The following PHTF2 variants were observed in gnomAD, a reference collection of about 807,000 sequenced individuals.
PHTF2 encodes putative homeodomain transcription factor 2, also known as protein PHTF2.
Under a neutral mutation model 101.2 loss-of-function variants are expected in PHTF2, and 60 were observed. The observed-to-expected ratio is 0.59, with a 90% confidence interval of 0.48 to 0.73. The LOEUF is 0.73. PHTF2 is among the 30% of genes least tolerant of loss of function. The pLI is 0.00. For missense variants in PHTF2, 747 were observed against 908.7 expected, an observed-to-expected ratio of 0.82 and a Z score of 2.29; for synonymous variants, 311 against 307.3, an observed-to-expected ratio of 1.01 and a Z score of -0.13.
intron 3 of PHTF2, among the ~76,000 whole-genome samples, chr7:77,876,523 G>A (rs1584562091): frequency 6.6e-6 from 1 of 152,096 alleles, no homozygotes; most frequent in East Asian, 1.9e-4. Context: ...TATAAAATAT[G>A]AGCAACACTT....
chr7:77,819,313 A>G (rs1022156560), intron 1 of PHTF2, among the ~76,000 whole-genome samples: 1 of 152,212 alleles, frequency 6.6e-6, no homozygotes, highest in South Asian at 2.1e-4. Context: ...GTCTTGTTCT[A>G]GTAGTCAGAG....
chr7:77,943,106 T>C (rs974113256), intron 16 of PHTF2, among the ~76,000 whole-genome samples: 12 of 118,466 alleles, frequency 1.0e-4, no homozygotes, highest in African/African-American at 2.8e-4. Context: ...TCATGTTTAC[T>C]ATTCTTTTCT....
Position 77,854,295 on chromosome 7 carries a change from A to G in PHTF2, c.46-438A>G, listed in dbSNP as rs182762953. On this transcript the variant is annotated intron_variant, in intron 2 of 19. Transcript: ENST00000416283. ...CTCTTCCTTTCCTTTAGTTTTCACC[A>G]AACAAATGGAGTCTCTCTGTCTGCT... Among the ~76,000 whole-genome samples the G allele has an allele frequency of 7.2e-5, 11 of 152,234 alleles. No individual in the cohort carries two copies. In the East Asian group the frequency reaches 2.1e-3, roughly 29 times the overall value.
chr7:77,859,003 G>A (rs1416924834), intron 3 of PHTF2, among the ~76,000 whole-genome samples: 1 of 152,136 alleles, frequency 6.6e-6, no homozygotes, highest in Non-Finnish European at 1.5e-5. Flanking sequence ...GAGAGACTGT[G>A]AGGGAAAAAC....
At chr7:77,822,486 C>G (rs574200186) in intron 1 of PHTF2, among the ~76,000 whole-genome samples, 21 of 152,298 alleles carry the variant, frequency 1.4e-4, no homozygotes, top group African/African-American at 4.8e-4. Context: ...TGCTCCTAAT[C>G]TGGGGCAGCG....
rs761392882 is a variant in PHTF2, at chr7:77,910,227, TAATCTC to T, written c.612-17_612-12del. 117 of 1,598,198 alleles carry T rather than the reference TAATCTC, an allele frequency of 7.3e-5. No individual in the cohort carries two copies. Among genetic ancestry groups the T allele is most frequent in the Non-Finnish European group, 1.3e-5 (15 of 1,174,174 alleles). On this transcript the variant is annotated splice_polypyrimidine_tract_variant and intron_variant, in intron 8 of 19. Transcript: ENST00000416283. ...AAATATTAAAGCTGCCTTCCATTCT[TAATCTC>T]TTCTGATGAAGGAAATTAAGAAAAG...
intron 9 of PHTF2, among the ~76,000 whole-genome samples, chr7:77,915,983 G>GTA (rs1007199834): frequency 3.2e-4 from 47 of 146,266 alleles, no homozygotes; most frequent in African/African-American, 1.2e-3. Flanking sequence ...GTGTGTCTGT[G>GTA]TGTGTGTGTG....
exon 13 of PHTF2, chr7:77,937,786 G>A: frequency 6.5e-7 from 1 of 1,545,416 alleles, no homozygotes. Flanking sequence ...GGTAATGATT[G>A]TAAGAAAGCA....
At chr7:77,907,854 G>A (rs1383871104) in intron 7 of PHTF2, 2 of 152,022 alleles carry the variant, frequency 1.3e-5, no homozygotes, top group Admixed American at 1.3e-4. Flanking sequence ...TTTATTTTAG[G>A]TACTCCTTGG....
chr7:77,937,682 T>A, intron 12 of PHTF2, 28 bp from the exon 12 acceptor site: 1 of 988,352 alleles, frequency 1.0e-6, no homozygotes, highest in Non-Finnish European at 1.4e-6. Flanking sequence ...GTGATCTATA[T>A]ATTTACTAAT....
At chr7:77,823,661 A>C (rs1318534051) in intron 1 of PHTF2, among the ~76,000 whole-genome samples, 1 of 152,256 alleles carries the variant, frequency 6.6e-6, no homozygotes, top group African/African-American at 2.4e-5. Context: ...GACAAGGAAT[A>C]TTACCTGGAG....
At chr7:77,853,714 T>TTC (rs1251162228) in intron 2 of PHTF2, among the ~76,000 whole-genome samples, 1 of 151,894 alleles carries the variant, frequency 6.6e-6, no homozygotes. Flanking sequence ...AGATTTTTTT[T>TTC]TCTCTCTCTC....
intron 3 of PHTF2, among the ~76,000 whole-genome samples, chr7:77,876,767 A>G (rs771849699): frequency 6.6e-6 from 1 of 152,198 alleles, no homozygotes; most frequent in Non-Finnish European, 1.5e-5. Flanking sequence ...TTATCCAGGC[A>G]TGGTGGTACA....
At chr7:77,832,116 G>C (rs1372912528) in intron 1 of PHTF2, among the ~76,000 whole-genome samples, 1 of 151,438 alleles carries the variant, frequency 6.6e-6, no homozygotes, top group African/African-American at 2.4e-5. Context: ...TTGCTTACTT[G>C]TGTGACATAT....
intron 16 of PHTF2, among the ~76,000 whole-genome samples, chr7:77,947,597 G>A (rs1806165956): frequency 6.6e-6 from 1 of 151,872 alleles, no homozygotes; most frequent in Admixed American, 6.6e-5. Flanking sequence ...TACAATGTTA[G>A]TCACAATGTT....
intron 11 of PHTF2, among the ~76,000 whole-genome samples, chr7:77,928,068 C>T (rs1339803288): frequency 1.3e-5 from 2 of 151,858 alleles, no homozygotes; most frequent in African/African-American, 4.8e-5. Flanking sequence ...TTAGGAGGTG[C>T]TTATAGCAAT....
chr7:77,801,070 G>T (rs1186556567), intron 1 of PHTF2, among the ~76,000 whole-genome samples: 2 of 152,220 alleles, frequency 1.3e-5, no homozygotes, highest in Non-Finnish European at 2.9e-5. Flanking sequence ...TGAGATCATT[G>T]TATAATAGGC....
At chr7:77,859,564 C>CTTT (rs34014317) in intron 3 of PHTF2, among the ~76,000 whole-genome samples, 1 of 131,632 alleles carries the variant, frequency 7.6e-6, no homozygotes, top group Admixed American at 7.6e-5. Context: ...TTTCTTTCTT[C>CTTT]TTTTTTTTTT....
chr7:77,799,601 G>A (rs914872082), intron 1 of PHTF2, among the ~76,000 whole-genome samples: 9 of 152,230 alleles, frequency 5.9e-5, no homozygotes, highest in Non-Finnish European at 1.2e-4. Flanking sequence ...TGCTCCATCA[G>A]CATGCTTCAG....
Sources: allele counts gnomAD v4.1 joint callset (sites outside exome capture counted in the v4.1 genomes callset), GRCh38; gene constraint gnomAD v4.1.1; transcripts MANE v1.5; gene names NCBI Gene and HGNC (gene_info 2026-07-23, HGNC 2026-07-21).